MYO18B: variants seen among roughly 807,000 people sequenced by gnomAD.
MYO18B encodes unconventional myosin-XVIIIb.
A neutral mutation model predicts 273.0 loss-of-function variants in MYO18B; 204 were observed. That is an observed-to-expected ratio of 0.75 (90% CI 0.67 to 0.84). The LOEUF (loss-of-function observed/expected upper bound fraction) is 0.84. Among genes scored for constraint, MYO18B ranks in the 40% least tolerant of loss-of-function variants. The pLI is 0.00. For synonymous variants in MYO18B, 1,330 were observed against 1,305.7 expected, an observed-to-expected ratio of 1.02 and a Z score of -0.40; for missense variants, 3,212 against 3,287.6, an observed-to-expected ratio of 0.98 and a Z score of 0.56.
chr22:25,927,857 T>C lies in MYO18B; in HGVS notation c.5517+6448T>C, dbSNP rs139190918. Among the ~76,000 whole-genome samples the C allele has an allele frequency of 2.3e-3, 351 of 152,318 alleles. 2 individuals carry two copies. Among genetic ancestry groups the C allele is most frequent in the African/African-American group, 8.1e-3 (338 of 41,570 alleles). On this transcript the variant is annotated intron_variant, in intron 34 of 43. Transcript: ENST00000335473. ...GAAAATAGAAAAGAACCTACGTGAA[T>C]ATCGGGGCAGATTCCCCGATACTCT...
rs558171913 is a variant in MYO18B, at chr22:25,774,187, G to C, written c.1869+1677G>C. Among the ~76,000 whole-genome samples the C allele has an allele frequency of 3.3e-5, 5 of 152,274 alleles. No homozygotes were observed. In the East Asian group the frequency reaches 9.7e-4, roughly 29 times the overall value. ...AGTGGGCCTGTACCCCTCTCTCCAAGATTTTTCTCCTCCAGAGTGACCCAC... is the reference window on the plus strand; with the variant it reads ...AGTGGGCCTGTACCCCTCTCTCCAACATTTTTCTCCTCCAGAGTGACCCAC... On this transcript the variant is annotated intron_variant, in intron 7 of 43. Coordinates refer to ENST00000335473, the MANE Select transcript of MYO18B (RefSeq NM_032608.7).
chr22:25,800,096 A>G (rs889300950), intron 12 of MYO18B, among the ~76,000 whole-genome samples: 29 of 152,336 alleles, frequency 1.9e-4, no homozygotes, highest in African/African-American at 6.7e-4. Flanking sequence ...GGAACACCAA[A>G]TATCATACAT....
chr22:25,918,367 G>A (rs2092292654), intron 33 of MYO18B, among the ~76,000 whole-genome samples: 1 of 152,146 alleles, frequency 6.6e-6, no homozygotes, highest in South Asian at 2.1e-4. Flanking sequence ...ACCAACTAAG[G>A]TTGGAATATA....
chr22:25,950,880 C>T lies in MYO18B; in HGVS notation c.5832+430C>T, dbSNP rs189806806. ...AACCACCAGGCCCAGCTGGGAAATA[C>T]GTTAAGTATTAACTTACATGACCAC... On this transcript the variant is annotated intron_variant, in intron 37 of 43. Coordinates refer to ENST00000335473, the MANE Select transcript of MYO18B (RefSeq NM_032608.7). Among the ~76,000 whole-genome samples the T allele has an allele frequency of 3.9e-5, 6 of 152,230 alleles. No individual in the cohort carries two copies. In the East Asian group the frequency reaches 7.7e-4, roughly 20 times the overall value.
chr22:25,828,844 C>G lies in MYO18B; in HGVS notation c.2855C>G (p.Pro952Arg), dbSNP rs748889981. Residue 952 changes from proline to arginine, a missense_variant, in exon 15 of 44, where the codon CCC (proline) becomes CGC (arginine). Transcript: ENST00000335473. ...MVVDSPGFQNPRHQGKDRAAT... is the reference protein window; with the variant it reads ...MVVDSPGFQNRRHQGKDRAAT... Reference sequence around the variant, plus strand: ...GTGGACTCTCCAGGCTTCCAGAACCCCCGGCACCAGGGCAAGGACCGGGCG... The same window carrying G: ...GTGGACTCTCCAGGCTTCCAGAACCGCCGGCACCAGGGCAAGGACCGGGCG... 6.2e-7 allele frequency: 1 copy of G among 1,614,002 alleles called. No homozygotes were observed. The highest frequency in any genetic ancestry group is 2.2e-5 in the East Asian group (1 of 44,880).
chr22:25,837,441 G>A (rs902134131), intron 17 of MYO18B, among the ~76,000 whole-genome samples: 10 of 152,226 alleles, frequency 6.6e-5, no homozygotes, highest in Admixed American at 3.9e-4. Flanking sequence ...GTCAAGTGAG[G>A]TGTGTGCTGG....
At chr22:25,845,004 A>G (rs1243806822) in intron 18 of MYO18B, among the ~76,000 whole-genome samples, 1 of 152,214 alleles carries the variant, frequency 6.6e-6, no homozygotes. Context: ...CTTTGGGGAC[A>G]GGAAGATGTT....
chr22:25,968,207 T>G (rs1023778872), intron 39 of MYO18B, among the ~76,000 whole-genome samples: 1 of 152,172 alleles, frequency 6.6e-6, no homozygotes, highest in African/African-American at 2.4e-5. Context: ...GTTTGGGTTA[T>G]ATGCCCACAC....
At chr22:25,847,147 C>T (rs1487377059) in intron 19 of MYO18B, among the ~76,000 whole-genome samples, 1 of 151,992 alleles carries the variant, frequency 6.6e-6, no homozygotes, top group African/African-American at 2.4e-5. Context: ...TGGAAATGCC[C>T]TTAGTCCGAG....
Position 25,890,876 on chromosome 22 carries a change from G to T in MYO18B, c.4434+1G>T. 1.2e-6 allele frequency: 2 copies of T among 1,613,190 alleles called. No homozygotes were observed. Among genetic ancestry groups the T allele is most frequent in the Non-Finnish European group, 1.7e-6 (2 of 1,179,670 alleles). On this transcript the variant is annotated splice_donor_variant, in intron 26 of 43. Coordinates refer to ENST00000335473, the MANE Select transcript of MYO18B (RefSeq NM_032608.7). LOFTEE classifies it high-confidence loss of function. ...CTTCCGGGAGGTCCAGGAGCTCAAG[G>T]TGAGTGGTCAGGGGTGGCCAGGGGT...
At position 26,026,809 on chromosome 22, in the gene MYO18B, C is replaced by T. The variant is rs896238836; in HGVS notation, c.6835C>T (p.Pro2279Ser). ...TLGLEDWPTLPIYQTTGASTL... is the reference protein window; with the variant it reads ...TLGLEDWPTLSIYQTTGASTL... Reference sequence around the variant, plus strand: ...GGGCCTAGAGGACTGGCCCACTCTCCCCATTTACCAGACGACTGGGGCCTC... The same window carrying T: ...GGGCCTAGAGGACTGGCCCACTCTCTCCATTTACCAGACGACTGGGGCCTC... The change falls in exon 43 of 44, where the codon CCC (proline) becomes TCC (serine). Residue 2279 changes from proline (P) to serine (S), a missense_variant. Pro to Ser is a moderately conservative substitution (Grantham distance 74). Transcript: ENST00000335473. The T allele has an allele frequency of 2.5e-6, 4 of 1,595,058 alleles. No homozygotes were observed. Among genetic ancestry groups the T allele is most frequent in the Admixed American group, 1.8e-5 (1 of 56,482 alleles).
chr22:25,761,088 T>C lies in MYO18B; in HGVS notation c.-5T>C. ...ATCATCTCACGGCCCTGGCACTGCC[T>C]CAGCATGGCCATCTCATCACGCCTC... On this transcript the variant is annotated 5_prime_UTR_variant, in exon 2 of 44. Coordinates refer to ENST00000335473, the MANE Select transcript of MYO18B (RefSeq NM_032608.7). The C allele has an allele frequency of 6.2e-7, 1 of 1,613,478 alleles. No individual in the cohort carries two copies. The highest frequency in any genetic ancestry group is 8.5e-7 in the Non-Finnish European group (1 of 1,179,854).
At chr22:25,891,062 G>C (rs553862764) in intron 26 of MYO18B, among the ~76,000 whole-genome samples, 187 bp downstream of exon 26, 4 of 152,178 alleles carry the variant, frequency 2.6e-5, no homozygotes, top group Non-Finnish European at 5.9e-5. Flanking sequence ...GTTATGGGTG[G>C]ATAGTCCCTG....
intron 39 of MYO18B, among the ~76,000 whole-genome samples, chr22:25,990,233 A>G (rs9608441): frequency 0.32 from 49,095 of 151,994 alleles, 8,927 homozygotes; most frequent in Non-Finnish European, 0.43. Context: ...TGTCCCTGTA[A>G]TGGTCCTCGC....
chr22:25,828,753 C>T (rs1483184478), intron 14 of MYO18B, 23 bp from the exon 15 acceptor site: 2 of 1,603,460 alleles, frequency 1.2e-6, no homozygotes, highest in African/African-American at 1.3e-5. Flanking sequence ...CTCAGACATT[C>T]CACCTCTCTC....
chr22:25,940,095 A>G (rs1415224814), intron 34 of MYO18B, among the ~76,000 whole-genome samples: 1 of 152,218 alleles, frequency 6.6e-6, no homozygotes, highest in Non-Finnish European at 1.5e-5. Context: ...CTACTCAATG[A>G]ACGCAAATCA....
chr22:25,856,237 A>G (rs560167296), intron 21 of MYO18B, among the ~76,000 whole-genome samples: 169 of 152,198 alleles, frequency 1.1e-3, no homozygotes, highest in Non-Finnish European at 1.9e-3. Context: ...TGCCATGCTA[A>G]TGGGTGTGAG....
At position 25,804,785 on chromosome 22, in the gene MYO18B, C is replaced by T. The variant is rs181568533; in HGVS notation, c.2521+6688C>T. On this transcript the variant is annotated intron_variant, in intron 12 of 43. Transcript: ENST00000335473. The stretch of plus-strand genomic sequence containing the variant: ...GCTCTGTCTGGCAAGGTCCCGGCAG[C>T]GAGAAGGCTCCTGAACTTGCATTAG... Among the ~76,000 whole-genome samples the T allele has an allele frequency of 3.1e-3, 478 of 152,330 alleles. 12 individuals are homozygous for T. The highest frequency in any genetic ancestry group is 7.2e-4 in the Non-Finnish European group (49 of 68,038).
chr22:25,870,758 G>A (rs2091024527), intron 22 of MYO18B, among the ~76,000 whole-genome samples: 2 of 152,174 alleles, frequency 1.3e-5, no homozygotes, highest in Non-Finnish European at 2.9e-5. Flanking sequence ...AGAAACTCTG[G>A]AGGGGGGCAG....
Sources: allele counts gnomAD v4.1 joint callset (sites outside exome capture counted in the v4.1 genomes callset), GRCh38; gene constraint gnomAD v4.1.1; transcripts MANE v1.5; gene names NCBI Gene and HGNC (gene_info 2026-07-23, HGNC 2026-07-21).